The following WDR7 variants were observed in gnomAD, a reference collection of about 807,000 sequenced individuals.
WDR7 encodes WD repeat-containing protein 7.
In WDR7, 46 loss-of-function variants were observed where a neutral mutation model predicts 169.4. That is an observed-to-expected ratio of 0.27 (90% confidence interval 0.21 to 0.35). WDR7 has a LOEUF of 0.35. WDR7 is among the 10% of genes least tolerant of loss of function. The pLI is 1.00. For synonymous variants in WDR7, 612 were observed against 666.8 expected (o/e 0.92, Z 1.27); for missense variants, 1,534 against 1,859.3 (o/e 0.83, Z 3.22).
chr18:56,809,402 T>C (rs2044830897), intron 19 of WDR7, among the ~76,000 whole-genome samples: 1 of 152,150 alleles, frequency 6.6e-6, no homozygotes, highest in Non-Finnish European at 1.5e-5. Flanking sequence ...TTTTCATCAC[T>C]GTCAAATATT....
chr18:56,798,985 A>G (rs554609554), intron 19 of WDR7, among the ~76,000 whole-genome samples: 1 of 152,318 alleles, frequency 6.6e-6, no homozygotes, highest in East Asian at 1.9e-4. Flanking sequence ...CCCTAATTCA[A>G]TAGCTATTTA....
chr18:56,983,413 A>T (rs1447662363), intron 26 of WDR7, among the ~76,000 whole-genome samples: 1 of 152,198 alleles, frequency 6.6e-6, no homozygotes, highest in African/African-American at 2.4e-5. Flanking sequence ...TAGATAATAT[A>T]ACTTTTCAAA....
intron 26 of WDR7, among the ~76,000 whole-genome samples, chr18:57,002,090 G>T (rs78027485): frequency 0.057 from 8,608 of 152,030 alleles, 483 homozygotes; most frequent in African/African-American, 0.14. Flanking sequence ...CCCTCCTGAG[G>T]TGCTTTCCAT....
intron 20 of WDR7, among the ~76,000 whole-genome samples, chr18:56,879,321 A>G: frequency 6.6e-6 from 1 of 152,120 alleles, no homozygotes; most frequent in East Asian, 1.9e-4. Context: ...ATTCTCATGG[A>G]TGTGAAGTGG....
At chr18:56,840,717 G>A (rs1318449886) in intron 20 of WDR7, among the ~76,000 whole-genome samples, 1 of 151,838 alleles carries the variant, frequency 6.6e-6, no homozygotes, top group African/African-American at 2.4e-5. Context: ...TACTCTGGAG[G>A]CTACAGTGAG....
At chr18:56,739,986 A>C (rs1428136935) in intron 14 of WDR7, among the ~76,000 whole-genome samples, 1 of 150,980 alleles carries the variant, frequency 6.6e-6, no homozygotes, top group East Asian at 1.9e-4. Flanking sequence ...TTATCTTTTC[A>C]GATGCTATTT....
chr18:56,766,345 C>T (rs548519479), intron 16 of WDR7, among the ~76,000 whole-genome samples: 1 of 152,020 alleles, frequency 6.6e-6, no homozygotes, highest in East Asian at 1.9e-4. Context: ...CTGCCCTTTC[C>T]TCCCTCCTCT....
chr18:56,665,258 A>T (rs1054355663), intron 1 of WDR7, among the ~76,000 whole-genome samples: 7 of 150,228 alleles, frequency 4.7e-5, no homozygotes, highest in Non-Finnish European at 8.9e-5. Flanking sequence ...GCACCACTGC[A>T]CTCCCGCCTG....
intron 1 of WDR7, among the ~76,000 whole-genome samples, chr18:56,668,977 C>T (rs933040298): frequency 1.1e-4 from 16 of 151,476 alleles, no homozygotes; most frequent in African/African-American, 2.7e-4. Context: ...CATATATGGT[C>T]GCTTGATCTT....
At chr18:56,749,928 T>A (rs1234883572) in intron 14 of WDR7, among the ~76,000 whole-genome samples, 1 of 148,686 alleles carries the variant, frequency 6.7e-6, no homozygotes, top group East Asian at 1.9e-4. Flanking sequence ...TATATAATAA[T>A]GATAAGGATT....
chr18:56,962,206 A>G (rs895809949), intron 25 of WDR7, among the ~76,000 whole-genome samples: 3 of 152,094 alleles, frequency 2.0e-5, no homozygotes, highest in Non-Finnish European at 4.4e-5. Flanking sequence ...AATTATTAAG[A>G]GGCCAAAGTG....
Position 56,758,884 on chromosome 18 carries a change from C to T in WDR7, c.2779C>T (p.Pro927Ser). 6.2e-7 allele frequency: 1 copy of T among 1,612,762 alleles called. No individual in the cohort carries two copies. The change falls in exon 16 of 28, where the codon CCA becomes TCA. Residue 927 changes from proline to serine, a missense_variant. Pro to Ser is a moderately conservative substitution (Grantham distance 74). Coordinates refer to ENST00000254442, the MANE Select transcript of WDR7 (RefSeq NM_015285.3). ...TTTAAGGCCACCTAGACCAAGCACC[C>T]CAGACCTTTCTAAGGCAAGGGGTTC... is the stretch of plus-strand genomic sequence containing the variant. ...GPTRPPRPST[P>S]DLSKARGSPP...
At chr18:56,942,529 T>G (rs1321171305) in intron 25 of WDR7, among the ~76,000 whole-genome samples, 1 of 152,228 alleles carries the variant, frequency 6.6e-6, no homozygotes, top group Non-Finnish European at 1.5e-5. Context: ...AGGGTGGTCC[T>G]GGTAACATTT....
chr18:56,954,954 G>C (rs2047231938), intron 25 of WDR7, among the ~76,000 whole-genome samples: 1 of 152,040 alleles, frequency 6.6e-6, no homozygotes, highest in African/African-American at 2.4e-5. Context: ...CTTTTCAAGT[G>C]AAAAGCTGAA....
chr18:56,797,152 C>T (rs1248732675), intron 19 of WDR7, among the ~76,000 whole-genome samples: 1 of 152,160 alleles, frequency 6.6e-6, no homozygotes, highest in Non-Finnish European at 1.5e-5. Context: ...TTTGGTATTA[C>T]GTGTTTGAAT....
At chr18:56,764,827 A>C (rs2044036495) in intron 16 of WDR7, among the ~76,000 whole-genome samples, 1 of 152,082 alleles carries the variant, frequency 6.6e-6, no homozygotes. Flanking sequence ...TGCCTTTATC[A>C]ATTAAATAAG....
At chr18:56,681,817 A>G (rs977188899) in intron 4 of WDR7, among the ~76,000 whole-genome samples, 1 of 152,212 alleles carries the variant, frequency 6.6e-6, no homozygotes, top group East Asian at 1.9e-4. Context: ...TTGGACATGT[A>G]TTTTTAAAAC....
chr18:56,660,690 A>G lies in WDR7; in HGVS notation c.-20+9114A>G, dbSNP rs78421236. Among the ~76,000 whole-genome samples, 425 of 152,172 alleles carry G rather than the reference A, an allele frequency of 2.8e-3. 5 individuals carry two copies. The East Asian group carries it at 0.039, about 14-fold the overall frequency. The stretch of plus-strand genomic sequence containing the variant: ...AAAAAAAAAGAAAGAAAAGAAAGAA[A>G]GGAGACTAAAGCTAGAGAAGAAGAA... On this transcript the variant is annotated intron_variant, in intron 1 of 27. Coordinates refer to ENST00000254442, the MANE Select transcript of WDR7 (RefSeq NM_015285.3).
At chr18:56,880,801 C>G (rs1403099272) in intron 21 of WDR7, among the ~76,000 whole-genome samples, 1 of 152,164 alleles carries the variant, frequency 6.6e-6, no homozygotes, top group Non-Finnish European at 1.5e-5. Context: ...ATTCTACTCT[C>G]TTTGGTTCTG....
Sources: gnomAD v4.1 joint callset for allele counts (sites outside exome capture counted in the v4.1 genomes callset) on GRCh38, gnomAD v4.1.1 for gene constraint, MANE v1.5 for transcripts, NCBI Gene and HGNC (gene_info 2026-07-23, HGNC 2026-07-21) for gene names.